PCDHGA9: variants seen among roughly 807,000 people sequenced by gnomAD.
PCDHGA9 encodes the protein protocadherin gamma subfamily A, 9, also known as protocadherin gamma-A9.
A neutral mutation model predicts 62.5 loss-of-function variants in PCDHGA9; 37 were observed. That is an observed-to-expected ratio of 0.59 (90% confidence interval 0.46 to 0.78). The LOEUF (loss-of-function observed/expected upper bound fraction) is 0.78, where lower values mean the gene tolerates loss of function less well. PCDHGA9 is among the 30% of genes least tolerant of loss of function. The probability of loss-of-function intolerance (pLI) is 0.00; values close to 1 mark genes in which losing one functional copy is unlikely to be tolerated. For synonymous variants in PCDHGA9, 459 were observed against 484.6 expected (o/e 0.95, Z 0.69); for missense variants, 1,138 against 1,166.2 (o/e 0.98, Z 0.35).
chr5:141,405,031 CGTT>C lies in PCDHGA9; in HGVS notation c.2082_2084del (p.Val695del). The C allele has an allele frequency of 6.2e-7, 1 of 1,613,968 alleles. No individual in the cohort carries two copies. Among genetic ancestry groups the C allele is most frequent in the Admixed American group, 1.7e-5 (1 of 60,024 alleles). On this transcript the variant is annotated inframe_deletion, in exon 1 of 4. Coordinates refer to ENST00000573521, the MANE Select transcript of PCDHGA9 (RefSeq NM_018921.3). ...AGGCCTCAGACCTTACCCTCTACCT[CGTT>C]GTGGCTGTGGCAGTCGTCTCCTGTG...
chr5:141,489,126 T>G lies in PCDHGA9; in HGVS notation c.2425-5681T>G. 31 of 585,108 alleles carry G rather than the reference T, an allele frequency of 5.3e-5. No homozygotes were observed. Among genetic ancestry groups the G allele is most frequent in the South Asian group, 1.3e-4 (4 of 31,402 alleles). 36.2% of individuals were successfully genotyped at this position (585,108 alleles called of 1,614,324 possible). On this transcript the variant is annotated intron_variant, in intron 1 of 3. Transcript: ENST00000573521. The surrounding 1 kb of genome is among the most constrained non-coding windows in gnomAD (Gnocchi z 4.5). ...TGCAAGCAGGCAAACCTCCGAGCAG[T>G]TTTTAAGAGGCTGGAAGGAGACATA...
intron 1 of PCDHGA9, chr5:141,476,000 T>A (rs2099383773): frequency 1.6e-6 from 2 of 1,225,380 alleles, no homozygotes; most frequent in African/African-American, 1.5e-5. Flanking sequence ...ATCAACGGCA[T>A]CCAGAAAGCC....
chr5:141,420,840 TC>T (rs1453160032), intron 1 of PCDHGA9, among the ~76,000 whole-genome samples: 1 of 152,250 alleles, frequency 6.6e-6, no homozygotes, highest in Admixed American at 6.5e-5. Flanking sequence ...TCGCAGGTGT[TC>T]TTGGTAAAGT....
rs891428609 is a variant in PCDHGA9, at chr5:141,503,553, C to T, written c.2484-1840C>T. Among the ~76,000 whole-genome samples the T allele has an allele frequency of 9.4e-5, 14 of 149,164 alleles. No homozygotes were observed. In the East Asian group the frequency reaches 2.2e-3, roughly 23 times the overall value. On this transcript the variant is annotated intron_variant, in intron 2 of 3. Coordinates refer to ENST00000573521, the MANE Select transcript of PCDHGA9 (RefSeq NM_018921.3). ...GGCAGAGGTTGCAGTGAGCCGAGAT[C>T]GCGCCACTGTACTCCAGCCTGGGTG...
At chr5:141,484,347 T>C (rs569724902) in intron 1 of PCDHGA9, among the ~76,000 whole-genome samples, 2 of 152,302 alleles carry the variant, frequency 1.3e-5, no homozygotes, top group East Asian at 1.9e-4. Flanking sequence ...AATGGTAATT[T>C]AGTGTATCTA....
At chr5:141,441,930 G>T in intron 1 of PCDHGA9, 1 of 347,232 alleles carries the variant, frequency 2.9e-6, no homozygotes, top group Non-Finnish European at 5.5e-6. Flanking sequence ...ATGCGTGGCT[G>T]TCCTACCACG....
chr5:141,414,789 C>T, intron 1 of PCDHGA9: 1 of 1,614,218 alleles, frequency 6.2e-7, no homozygotes, highest in East Asian at 2.2e-5. Context: ...AGGTGACAGC[C>T]AGCGACAGCG....
chr5:141,409,736 G>A (rs1053484390), intron 1 of PCDHGA9: 3 of 1,613,110 alleles, frequency 1.9e-6, no homozygotes, highest in Non-Finnish European at 2.5e-6. Flanking sequence ...CGCGCAGAGC[G>A]GGGTGGTGTT....
chr5:141,482,086 T>C (rs1435200188), intron 1 of PCDHGA9, among the ~76,000 whole-genome samples: 6 of 93,070 alleles, frequency 6.4e-5, no homozygotes, highest in African/African-American at 3.7e-4. Flanking sequence ...ACTCACTCCA[T>C]CTCAAAAAAA....
At chr5:141,438,635 T>TATAC (rs1460604450) in intron 1 of PCDHGA9, among the ~76,000 whole-genome samples, 1 of 33,416 alleles carries the variant, frequency 3.0e-5, no homozygotes, top group Admixed American at 4.2e-4. Context: ...TATATATATA[T>TATAC]ACACACACAC....
chr5:141,434,621 G>A (rs980508411), intron 1 of PCDHGA9, among the ~76,000 whole-genome samples: 1 of 151,966 alleles, frequency 6.6e-6, no homozygotes, highest in Non-Finnish European at 1.5e-5. Flanking sequence ...CCATCTCTTC[G>A]TTTCCCATAA....
chr5:141,403,674 T>C lies in PCDHGA9; in HGVS notation c.722T>C (p.Val241Ala). The change falls in exon 1 of 4, where the codon GTT becomes GCT. Residue 241 changes from valine (V) to alanine (A), a missense_variant. Val to Ala is a moderately conservative substitution (Grantham distance 64, BLOSUM62 0). Transcript: ENST00000573521. ...TTGGATACAAATGATAATGCCCCGG[T>C]TTTTGCTCAACGGATTTACCGAGTT... is the stretch of plus-strand genomic sequence containing the variant. ...TVLDTNDNAP[V>A]FAQRIYRVKV... 2 of 1,613,812 alleles carry C rather than the reference T, an allele frequency of 1.2e-6. No individual in the cohort carries two copies. Among genetic ancestry groups the C allele is most frequent in the South Asian group, 2.2e-5 (2 of 91,074 alleles).
intron 1 of PCDHGA9, among the ~76,000 whole-genome samples, chr5:141,467,814 A>G (rs2099152300): frequency 6.6e-6 from 1 of 151,978 alleles, no homozygotes; most frequent in Non-Finnish European, 1.5e-5. Flanking sequence ...ACATGCCACC[A>G]CACCAGGCTG....
intron 1 of PCDHGA9, among the ~76,000 whole-genome samples, chr5:141,459,619 A>G (rs995987344): frequency 6.6e-6 from 1 of 152,238 alleles, no homozygotes; most frequent in Non-Finnish European, 1.5e-5. Context: ...TTAACTTTAT[A>G]AGAAGCTGCC....
chr5:141,499,037 G>A (rs912832519), intron 2 of PCDHGA9, among the ~76,000 whole-genome samples: 1 of 150,904 alleles, frequency 6.6e-6, no homozygotes, highest in South Asian at 2.1e-4. Context: ...AGAAAAGAAA[G>A]AAAAAGGGAG....
At position 141,511,256 on chromosome 5, in the gene PCDHGA9, T is replaced by C. The variant is rs1003866304; in HGVS notation, c.*83T>C. On this transcript the variant is annotated 3_prime_UTR_variant, in exon 4 of 4. Transcript: ENST00000573521. ...CTTACCTGCACCCAGGCCTCAGAGT[T>C]TCAGGGCTAACCCCCAGAATACTGG... The C allele has an allele frequency of 1.9e-6, 3 of 1,563,388 alleles. No homozygotes were observed. The highest frequency in any genetic ancestry group is 2.7e-5 in the African/African-American group (2 of 73,508).
rs768994533 is a variant in PCDHGA9 at position 141,486,589 on chromosome 5, C to G, written c.2425-8218C>G. On this transcript the variant is annotated intron_variant, in intron 1 of 3. Transcript: ENST00000573521. This position sits in a 1 kb window ranked among gnomAD's most constrained non-coding sequence, Gnocchi z 5.0. Reference sequence around the variant, plus strand: ...TTCCTGAGAACAATCGCCCAGGGGACCTGCTTTGCTCCCTTGCAGCCTCTG... The same window carrying G: ...TTCCTGAGAACAATCGCCCAGGGGAGCTGCTTTGCTCCCTTGCAGCCTCTG... 1 of 1,613,676 alleles carries G rather than the reference C, an allele frequency of 6.2e-7. No individual in the cohort carries two copies. Among genetic ancestry groups the G allele is most frequent in the Non-Finnish European group, 8.5e-7 (1 of 1,179,996 alleles).
intron 2 of PCDHGA9, among the ~76,000 whole-genome samples, chr5:141,495,471 G>A (rs2099761632): frequency 6.6e-6 from 1 of 152,190 alleles, no homozygotes; most frequent in Non-Finnish European, 1.5e-5. Context: ...TGGGGTCTCC[G>A]TGTCTCTGCC....
intron 1 of PCDHGA9, chr5:141,409,672 T>C (rs1411780634): frequency 2.5e-6 from 4 of 1,613,458 alleles, no homozygotes; most frequent in Non-Finnish European, 2.5e-6. Flanking sequence ...TCTCCTACTC[T>C]ATAGTGGCGA....
Sources: allele counts gnomAD v4.1 joint callset (sites outside exome capture counted in the v4.1 genomes callset), GRCh38; gene constraint gnomAD v4.1.1; non-coding constraint Gnocchi (gnomAD v3.1); transcripts MANE v1.5; gene names NCBI Gene and HGNC (gene_info 2026-07-23, HGNC 2026-07-21).